The following FHOD3 variants were observed in gnomAD, a reference collection of about 807,000 sequenced individuals.
FHOD3 encodes the protein FH1/FH2 domain-containing protein 3.
A neutral mutation model predicts 173.0 loss-of-function variants in FHOD3; 90 were observed. The observed-to-expected ratio is 0.52, with a 90% CI of 0.44 to 0.62. The LOEUF (loss-of-function observed/expected upper bound fraction) is 0.62. Ranked by LOEUF, FHOD3 falls within the 20% of genes least tolerant of loss-of-function variation. FHOD3 has a pLI of 0.00. For synonymous variants in FHOD3, 828 were observed against 823.0 expected (o/e 1.01, Z -0.10); for missense variants, 1,945 against 2,034.7 (o/e 0.96, Z 0.85).
chr18:36,770,745 C>T (rs78926982), intron 28 of FHOD3, among the ~76,000 whole-genome samples: 4,020 of 152,234 alleles, frequency 0.026, 75 homozygotes, highest in Middle Eastern at 0.058. Flanking sequence ...CCTGGATACA[C>T]ATTAGAATGT....
chr18:36,481,969 G>A (rs1021806471), intron 3 of FHOD3, among the ~76,000 whole-genome samples: 6 of 152,188 alleles, frequency 3.9e-5, no homozygotes, highest in Non-Finnish European at 8.8e-5. Flanking sequence ...AGAGTTTTAA[G>A]GAATTAGGCA....
At chr18:36,419,143 G>A (rs897723946) in intron 3 of FHOD3, among the ~76,000 whole-genome samples, 2 of 151,838 alleles carry the variant, frequency 1.3e-5, no homozygotes, top group African/African-American at 2.4e-5. Context: ...CAAATTCAAG[G>A]AAAATGTTGT....
rs2043956331 is a variant in FHOD3 at position 36,779,814 on chromosome 18, G to A, written c.*284G>A. 2.0e-6 allele frequency: 1 copy of A among 505,644 alleles called. No homozygotes were observed. The highest frequency in any genetic ancestry group is 3.5e-6 in the Non-Finnish European group (1 of 286,638). 31.3% of individuals were successfully genotyped at this position (505,644 alleles called of 1,614,324 possible). A position where few individuals can be genotyped will look rare whatever the true frequency, so the allele number is the denominator to read the frequency against. On this transcript the variant is annotated 3_prime_UTR_variant, in exon 29 of 29. Transcript: ENST00000590592. ...AAGTGTGACACCTTTTCTGGGCAAG[G>A]AACAGCCCCTTTAAGGAGCAAATCA...
intron 5 of FHOD3, among the ~76,000 whole-genome samples, chr18:36,563,338 G>C (rs2058153597): frequency 1.3e-5 from 2 of 152,176 alleles, no homozygotes; most frequent in Non-Finnish European, 2.9e-5. Flanking sequence ...CCTAGTGAAA[G>C]CTTGCTCCCT....
intron 7 of FHOD3, among the ~76,000 whole-genome samples, chr18:36,600,495 GC>G (rs1294245410): frequency 2.0e-5 from 3 of 152,060 alleles, no homozygotes; most frequent in Non-Finnish European, 4.4e-5. Context: ...CCGATTTTCT[GC>G]CCCAAAACAA....
intron 19 of FHOD3, among the ~76,000 whole-genome samples, chr18:36,728,060 C>T (rs760183416): frequency 6.9e-4 from 105 of 152,312 alleles, no homozygotes; most frequent in Non-Finnish European, 1.2e-3. Flanking sequence ...CAAGGCATGG[C>T]CCACCAGTTC....
chr18:36,724,708 C>G (rs558363347), intron 19 of FHOD3, among the ~76,000 whole-genome samples: 1 of 152,316 alleles, frequency 6.6e-6, no homozygotes, highest in South Asian at 2.1e-4. Context: ...CTCCCTCTCC[C>G]TGCAGTGTTC....
chr18:36,554,939 T>G (rs1176642773), intron 5 of FHOD3, among the ~76,000 whole-genome samples: 1 of 152,196 alleles, frequency 6.6e-6, no homozygotes, highest in Admixed American at 6.5e-5. Flanking sequence ...TATATGTAAT[T>G]TGTTTCTTCT....
intron 3 of FHOD3, among the ~76,000 whole-genome samples, chr18:36,464,952 G>A (rs1184773919): frequency 2.0e-5 from 3 of 152,000 alleles, no homozygotes; most frequent in Non-Finnish European, 4.4e-5. Context: ...CACACACGCA[G>A]GCAAACTGCC....
At position 36,718,609 on chromosome 18, in the gene FHOD3, G is replaced by C; in HGVS notation, c.3311G>C (p.Arg1104Pro). Residue 1104 changes from arginine to proline, a missense_variant, in exon 19 of 29, where the codon CGA becomes CCA. Arg to Pro is a moderately radical substitution (Grantham distance 103). Coordinates refer to ENST00000590592, the MANE Select transcript of FHOD3 (RefSeq NM_001281740.3). ...TTTGACTGGCCATGTAAAAACAACC[G>C]ACGCTGCAGAGAATTCCTGTGGTCA... ...RPFDWPCKNN[R>P]RCREFLWSKL... 2.5e-6 allele frequency: 4 copies of C among 1,614,114 alleles called. No individual in the cohort carries two copies. Among genetic ancestry groups the C allele is most frequent in the Non-Finnish European group, 3.4e-6 (4 of 1,180,028 alleles).
chr18:36,304,209 G>A (rs2092031092), intron 1 of FHOD3, among the ~76,000 whole-genome samples: 1 of 152,192 alleles, frequency 6.6e-6, no homozygotes, highest in Non-Finnish European at 1.5e-5. Flanking sequence ...TGTGATAATA[G>A]TATTGTGGTT....
intron 3 of FHOD3, among the ~76,000 whole-genome samples, chr18:36,482,067 A>G (rs919801601): frequency 3.9e-5 from 6 of 152,190 alleles, no homozygotes; most frequent in Admixed American, 3.3e-4. Flanking sequence ...AGGTGGTGGA[A>G]ACAGACTTCA....
intron 5 of FHOD3, among the ~76,000 whole-genome samples, chr18:36,573,432 C>A (rs1450080614): frequency 7.9e-6 from 1 of 127,374 alleles, no homozygotes; most frequent in African/African-American, 2.8e-5. Flanking sequence ...GAAGGAGACC[C>A]TATCTCTACA....
At chr18:36,672,629 T>C (rs1030523642) in intron 14 of FHOD3, among the ~76,000 whole-genome samples, 1 of 152,210 alleles carries the variant, frequency 6.6e-6, no homozygotes, top group Non-Finnish European at 1.5e-5. Context: ...GATTGCTACA[T>C]TGGCCAAAGC....
chr18:36,678,524 C>CAAAAAAAAAAAAAAAA (rs58064190), intron 14 of FHOD3, among the ~76,000 whole-genome samples: 4 of 71,156 alleles, frequency 5.6e-5, no homozygotes, highest in East Asian at 4.2e-4. Flanking sequence ...GACCCTGTCT[C>CAAAAAAAAAAAAAAAA]AAAAAAAAAA....
intron 28 of FHOD3, among the ~76,000 whole-genome samples, chr18:36,774,562 A>G (rs755203151): frequency 6.6e-6 from 1 of 152,170 alleles, no homozygotes; most frequent in Non-Finnish European, 1.5e-5. Context: ...ACTCTTGCTC[A>G]GTGTGTCTGG....
chr18:36,414,740 G>A (rs2049538996), intron 3 of FHOD3, among the ~76,000 whole-genome samples: 2 of 152,218 alleles, frequency 1.3e-5, no homozygotes, highest in Admixed American at 6.5e-5. Context: ...CTGAGCCTGG[G>A]TAGGACGTTT....
intron 5 of FHOD3, among the ~76,000 whole-genome samples, chr18:36,559,649 T>C (rs2058020984): frequency 6.6e-6 from 1 of 152,160 alleles, no homozygotes; most frequent in African/African-American, 2.4e-5. Context: ...CCTGAGGATA[T>C]GTCTATTTTG....
At chr18:36,436,706 T>C (rs1311277876) in intron 3 of FHOD3, among the ~76,000 whole-genome samples, 1 of 152,230 alleles carries the variant, frequency 6.6e-6, no homozygotes, top group Non-Finnish European at 1.5e-5. Context: ...TGGTAGTAGC[T>C]ACTGATTTCA....
Sources: gnomAD v4.1 joint callset for allele counts (sites outside exome capture counted in the v4.1 genomes callset) on GRCh38, gnomAD v4.1.1 for gene constraint, MANE v1.5 for transcripts, NCBI Gene and HGNC (gene_info 2026-07-23, HGNC 2026-07-21) for gene names.